The following DCLK2 variants were observed in gnomAD, a reference collection of about 807,000 sequenced individuals.
DCLK2 encodes the protein serine/threonine-protein kinase DCLK2.
A neutral mutation model predicts 78.4 loss-of-function variants in DCLK2; 31 were observed. The ratio of observed to expected loss-of-function variants is 0.40; its 90% confidence interval spans 0.30 to 0.53. The LOEUF (loss-of-function observed/expected upper bound fraction) is 0.53, where lower values mean the gene tolerates loss of function less well. Among genes scored for constraint, DCLK2 ranks in the 20% least tolerant of loss-of-function variants. The pLI is 0.61. For missense variants in DCLK2, 872 were observed against 973.7 expected, an observed-to-expected ratio of 0.90 and a Z score of 1.39; for synonymous variants, 407 against 374.9, an observed-to-expected ratio of 1.09 and a Z score of -0.99.
In DCLK2 at chr4:150,240,411, G is replaced by A. The variant is rs1742830338; in HGVS notation, c.1713G>A (p.Lys571=). ...EIIAETGYGL[K]VDIWAAGVIT... is the part of the protein sequence containing the mutation. ...TTTGTTTTCCTAGCTATGGCCTGAAGGTGGACATTTGGGCAGCTGGTGTGA... is the reference window on the plus strand; with the variant it reads ...TTTGTTTTCCTAGCTATGGCCTGAAAGTGGACATTTGGGCAGCTGGTGTGA... The change falls in exon 12 of 16, where the codon AAG becomes AAA. Residue 571 remains lysine, a synonymous_variant. Coordinates refer to ENST00000296550, the MANE Select transcript of DCLK2 (RefSeq NM_001040260.4). The A allele has an allele frequency of 6.2e-7, 1 of 1,613,716 alleles. No individual in the cohort carries two copies. Among genetic ancestry groups the A allele is most frequent in the Non-Finnish European group, 8.5e-7 (1 of 1,179,830 alleles).
At chr4:150,220,204 G>A (rs1332812184) in intron 5 of DCLK2, among the ~76,000 whole-genome samples, 3 of 152,218 alleles carry the variant, frequency 2.0e-5, no homozygotes, top group Non-Finnish European at 2.9e-5. Flanking sequence ...GAGTGCTGTC[G>A]ATTTGGAGTT....
intron 1 of DCLK2, among the ~76,000 whole-genome samples, 172 bp downstream of exon 1, chr4:150,079,620 A>G (rs759937091): frequency 4.6e-5 from 7 of 152,214 alleles, no homozygotes; most frequent in Non-Finnish European, 7.3e-5. Flanking sequence ...GGGTGCCCAC[A>G]TACACACTGA....
chr4:150,176,114 C>T (rs926806525), intron 2 of DCLK2, among the ~76,000 whole-genome samples: 15 of 152,192 alleles, frequency 9.9e-5, no homozygotes, highest in Non-Finnish European at 2.1e-4. Context: ...TGCTGTCATG[C>T]CTCCCTCTTG....
In DCLK2 at chr4:150,131,808, C is replaced by T. The variant is rs1343722301; in HGVS notation, c.756+28996C>T. Reference sequence around the variant, plus strand: ...TCCCTGGGTAATGTGTGCTGCCCTTCCCTGACTCATCCTCAGCAGAAGTGA... The same window carrying T: ...TCCCTGGGTAATGTGTGCTGCCCTTTCCTGACTCATCCTCAGCAGAAGTGA... On this transcript the variant is annotated intron_variant, in intron 2 of 15. Coordinates refer to ENST00000296550, the MANE Select transcript of DCLK2 (RefSeq NM_001040260.4). Among the ~76,000 whole-genome samples, 5 of 152,250 alleles carry T rather than the reference C, an allele frequency of 3.3e-5. No homozygotes were observed. The East Asian group carries it at 9.6e-4, about 29-fold the overall frequency.
rs1240454507 is a variant in DCLK2, at chr4:150,083,820, T to A, written c.421+4372T>A. Among the ~76,000 whole-genome samples the A allele has an allele frequency of 2.6e-5, 4 of 152,210 alleles. No homozygotes were observed. In the South Asian group the frequency reaches 8.3e-4, roughly 32 times the overall value. On this transcript the variant is annotated intron_variant, in intron 1 of 15. Transcript: ENST00000296550. ...AACCCCTGGATTCTTCAAGGCCCAC[T>A]TCAAATAGCACCTATGAAGTCTCTT...
At chr4:150,179,957 A>G (rs1307575448) in intron 2 of DCLK2, among the ~76,000 whole-genome samples, 2 of 152,216 alleles carry the variant, frequency 1.3e-5, no homozygotes, top group African/African-American at 4.8e-5. Flanking sequence ...ATCCTTAAAA[A>G]AAAATCCTAG....
intron 2 of DCLK2, among the ~76,000 whole-genome samples, chr4:150,105,650 A>G (rs1442734198): frequency 6.6e-6 from 1 of 152,104 alleles, no homozygotes; most frequent in African/African-American, 2.4e-5. Flanking sequence ...ACATGCAAAC[A>G]TAATTACACA....
intron 10 of DCLK2, 92 bp from the exon 11 acceptor site, chr4:150,239,650 G>A: frequency 2.1e-6 from 3 of 1,451,114 alleles, no homozygotes; most frequent in Non-Finnish European, 2.8e-6. Flanking sequence ...AATAGTAAAT[G>A]TATTTGTGTC....
At chr4:150,161,254 T>C (rs891572065) in intron 2 of DCLK2, among the ~76,000 whole-genome samples, 1 of 152,202 alleles carries the variant, frequency 6.6e-6, no homozygotes, top group African/African-American at 2.4e-5. Context: ...ACAAGGGTCT[T>C]GTAAACCAGT....
intron 2 of DCLK2, among the ~76,000 whole-genome samples, chr4:150,175,219 C>T (rs9884658): frequency 0.053 from 5,156 of 97,430 alleles, 454 homozygotes; most frequent in East Asian, 0.099. Context: ...ATATATTTAT[C>T]TATATATATT....
chr4:150,232,983 A>G (rs747810898), intron 10 of DCLK2, among the ~76,000 whole-genome samples, 155 bp downstream of exon 10: 29 of 152,200 alleles, frequency 1.9e-4, no homozygotes, highest in Non-Finnish European at 3.5e-4. Flanking sequence ...ACCATCAAAT[A>G]CTAATGGAGT....
At chr4:150,240,610 GA>G (rs1742846128) in intron 12 of DCLK2, 134 bp downstream of exon 12, 3 of 428,698 alleles carry the variant, frequency 7.0e-6, no homozygotes, top group Non-Finnish European at 1.3e-5. Context: ...AAAACGGGGG[GA>G]GGGGGGAGGG....
At chr4:150,097,242 A>G (rs1580492856) in intron 1 of DCLK2, among the ~76,000 whole-genome samples, 1 of 149,346 alleles carries the variant, frequency 6.7e-6, no homozygotes, top group Non-Finnish European at 1.5e-5. Context: ...GTGGTACTGC[A>G]ACCTCCGCCT....
At chr4:150,182,101 G>A (rs1227329916) in intron 2 of DCLK2, among the ~76,000 whole-genome samples, 2 of 151,742 alleles carry the variant, frequency 1.3e-5, no homozygotes, top group African/African-American at 4.8e-5. Context: ...AGGCTGGAGT[G>A]CTGTGGCACC....
intron 2 of DCLK2, among the ~76,000 whole-genome samples, chr4:150,182,203 C>G (rs955537171): frequency 3.3e-5 from 5 of 151,994 alleles, no homozygotes; most frequent in Non-Finnish European, 7.4e-5. Context: ...TGCATCACCA[C>G]GCCCAGCTAA....
intron 2 of DCLK2, among the ~76,000 whole-genome samples, chr4:150,172,284 A>G (rs911863939): frequency 6.6e-6 from 1 of 152,080 alleles, no homozygotes; most frequent in African/African-American, 2.4e-5. Flanking sequence ...CAGCAAACCT[A>G]TATTTGGCAG....
rs10561576 is a variant in DCLK2, at chr4:150,256,675, TTC to T, written c.*444_*445del. On this transcript the variant is annotated 3_prime_UTR_variant, in exon 16 of 16. Coordinates refer to ENST00000296550, the MANE Select transcript of DCLK2 (RefSeq NM_001040260.4). ...CTCAGAACACTCCCTTTCTTTTCTT[TTC>T]TCTCTCTCTCTCTCTTTTTTTTTTA... The T allele has an allele frequency of 1.3e-4, 20 of 156,390 alleles. No homozygotes were observed. Among genetic ancestry groups the T allele is most frequent in the Non-Finnish European group, 1.8e-4 (13 of 71,294 alleles). The allele number at this position is 156,390 out of a possible 1,614,324, so 9.7% of individuals were successfully genotyped here.
At position 150,150,604 on chromosome 4, in the gene DCLK2, T is replaced by G. The variant is rs1044746412; in HGVS notation, c.757-42534T>G. Reference sequence around the variant, plus strand: ...TTTTAAAAATTCAGAGATGAATGAATGCTCCAGGCTATTACCCTTGAGCCT... The same window carrying G: ...TTTTAAAAATTCAGAGATGAATGAAGGCTCCAGGCTATTACCCTTGAGCCT... On this transcript the variant is annotated intron_variant, in intron 2 of 15. Transcript: ENST00000296550. Among the ~76,000 whole-genome samples, 14 of 152,218 alleles carry G rather than the reference T, an allele frequency of 9.2e-5. 1 individual carries two copies.
Position 150,248,372 on chromosome 4 carries a change from A to G in DCLK2, c.1943A>G (p.His648Arg). Residue 648 changes from histidine to arginine, a missense_variant, in exon 14 of 16, where the codon CAC becomes CGC. His to Arg is a conservative substitution (Grantham distance 29, BLOSUM62 0). Transcript: ENST00000296550. The stretch of plus-strand genomic sequence containing the variant: ...TGTACCGCGGGACAAATCCTGAGTC[A>G]CCCCTGGGTGTCAGTAAGTACCCAC... ...ARCTAGQILS[H>R]PWVSDDASQE... is the part of the protein sequence containing the mutation. 1 of 1,613,810 alleles carries G rather than the reference A, an allele frequency of 6.2e-7. No homozygotes were observed. The highest frequency in any genetic ancestry group is 8.5e-7 in the Non-Finnish European group (1 of 1,179,960).
Sources: gnomAD v4.1 joint callset for allele counts (sites outside exome capture counted in the v4.1 genomes callset) on GRCh38, gnomAD v4.1.1 for gene constraint, MANE v1.5 for transcripts, NCBI Gene and HGNC (gene_info 2026-07-23, HGNC 2026-07-21) for gene names.